Variants in CNTNAP2 observed in about 807,000 individuals in gnomAD.
CNTNAP2 encodes contactin associated protein 2.
CNTNAP2 carries 98 observed loss-of-function variants against 155.2 expected under a neutral mutation model. The observed-to-expected ratio is 0.63, with a 90% CI of 0.54 to 0.75. CNTNAP2 has a LOEUF of 0.75. CNTNAP2 is among the 30% of genes least tolerant of loss of function. The pLI is 0.00. For synonymous variants in CNTNAP2, 651 were observed against 631.2 expected, an observed-to-expected ratio of 1.03 and a Z score of -0.47; for missense variants, 1,727 against 1,688.1, an observed-to-expected ratio of 1.02 and a Z score of -0.40.
At chr7:148,210,548 T>C (rs1006914430) in intron 18 of CNTNAP2, among the ~76,000 whole-genome samples, 7 of 152,234 alleles carry the variant, frequency 4.6e-5, no homozygotes, top group Non-Finnish European at 7.3e-5. Context: ...GTGTTTACAG[T>C]AATATACTTC....
intron 8 of CNTNAP2, among the ~76,000 whole-genome samples, chr7:147,293,928 CTGTAATA>C (rs1412560355): frequency 6.6e-6 from 1 of 152,142 alleles, no homozygotes; most frequent in Non-Finnish European, 1.5e-5. Context: ...TGAGAAGGTG[CTGTAATA>C]TGGTTTCAAA....
chr7:146,865,623 T>C (rs191771370), intron 3 of CNTNAP2, among the ~76,000 whole-genome samples: 1 of 152,216 alleles, frequency 6.6e-6, no homozygotes, highest in East Asian at 1.9e-4. Flanking sequence ...CTGCTTCACA[T>C]TCTACACAAA....
rs1045119027 is a variant in CNTNAP2 at position 147,177,331 on chromosome 7, A to G, written c.1348+44822A>G. The stretch of plus-strand genomic sequence containing the variant: ...GTTTCCCCCATGCTGGTTTCCTGAT[A>G]GTAAGTTCTCACGAGAGCTGATGGT... On this transcript the variant is annotated intron_variant, in intron 8 of 23. Coordinates refer to ENST00000361727, the MANE Select transcript of CNTNAP2 (RefSeq NM_014141.6). 2.6e-5 allele frequency among the ~76,000 whole-genome samples: 4 copies of G among 152,054 alleles called. No individual in the cohort carries two copies. In the East Asian group the frequency reaches 7.7e-4, roughly 29 times the overall value.
chr7:147,793,466 G>A (rs897782462), intron 13 of CNTNAP2, among the ~76,000 whole-genome samples: 3 of 151,932 alleles, frequency 2.0e-5, no homozygotes, highest in African/African-American at 7.2e-5. Context: ...GAATTGTTTG[G>A]CACTCTGGCT....
chr7:147,102,464 G>T (rs532318751), intron 4 of CNTNAP2, among the ~76,000 whole-genome samples: 1 of 152,046 alleles, frequency 6.6e-6, no homozygotes, highest in African/African-American at 2.4e-5. Flanking sequence ...GAATCTAAAT[G>T]GTATGCAGAA....
intron 9 of CNTNAP2, among the ~76,000 whole-genome samples, chr7:147,340,812 A>G (rs756723979): frequency 3.9e-5 from 6 of 152,084 alleles, no homozygotes; most frequent in Non-Finnish European, 8.8e-5. Context: ...GCTATGATAC[A>G]GTATACAATC....
chr7:146,464,518 G>A (rs1796688101), intron 1 of CNTNAP2, among the ~76,000 whole-genome samples: 1 of 152,086 alleles, frequency 6.6e-6, no homozygotes, highest in Non-Finnish European at 1.5e-5. Flanking sequence ...CCCATTAGAG[G>A]TGTAGATGGG....
chr7:146,206,788 T>C (rs541776373), intron 1 of CNTNAP2, among the ~76,000 whole-genome samples: 7 of 152,138 alleles, frequency 4.6e-5, no homozygotes, highest in Admixed American at 1.3e-4. Flanking sequence ...CACTTTCAGA[T>C]AAAAATTAAT....
At chr7:148,102,255 G>C (rs776504248) in intron 15 of CNTNAP2, among the ~76,000 whole-genome samples, 5 of 152,178 alleles carry the variant, frequency 3.3e-5, no homozygotes, top group Non-Finnish European at 7.3e-5. Flanking sequence ...TCAGTTTGCT[G>C]GGGATGATGG....
intron 22 of CNTNAP2, among the ~76,000 whole-genome samples, chr7:148,406,714 C>T (rs371468947): frequency 4.3e-4 from 65 of 152,308 alleles, no homozygotes; most frequent in South Asian, 3.7e-3. Flanking sequence ...TGGGCAGTAA[C>T]GGTGCAAGTT....
At chr7:146,733,607 C>T (rs2129179862) in intron 1 of CNTNAP2, among the ~76,000 whole-genome samples, 1 of 152,098 alleles carries the variant, frequency 6.6e-6, no homozygotes, top group African/African-American at 2.4e-5. Context: ...CTACCCTTTC[C>T]TATAGCGAAT....
chr7:147,268,900 G>A (rs1157408129), intron 8 of CNTNAP2, among the ~76,000 whole-genome samples: 1 of 152,182 alleles, frequency 6.6e-6, no homozygotes, highest in Admixed American at 6.5e-5. Context: ...CAAATTGGAG[G>A]TAGGGGACCT....
chr7:146,395,180 A>G (rs1448162604), intron 1 of CNTNAP2, among the ~76,000 whole-genome samples: 1 of 152,134 alleles, frequency 6.6e-6, no homozygotes, highest in African/African-American at 2.4e-5. Flanking sequence ...TATCTTTGCC[A>G]TTGTGAATAG....
intron 14 of CNTNAP2, among the ~76,000 whole-genome samples, chr7:147,956,239 A>G (rs1801014635): frequency 6.6e-6 from 1 of 152,152 alleles, no homozygotes; most frequent in Non-Finnish European, 1.5e-5. Flanking sequence ...ATATTTTTCA[A>G]TAATGTTTTC....
At chr7:148,266,301 T>A (rs796162025) in intron 20 of CNTNAP2, among the ~76,000 whole-genome samples, 5 of 152,126 alleles carry the variant, frequency 3.3e-5, no homozygotes, top group African/African-American at 1.2e-4. Context: ...GAGAAACACA[T>A]CTAGACTGTA....
In CNTNAP2 at chr7:147,750,971, C is replaced by T. The variant is rs1208973604; in HGVS notation, c.2098+111665C>T. On this transcript the variant is annotated intron_variant, in intron 13 of 23. Coordinates refer to ENST00000361727, the MANE Select transcript of CNTNAP2 (RefSeq NM_014141.6). ...AGCAGAATGGCGTGAACCCGAGAGG[C>T]GGAGCTTGCAGTGAGCCGAGATCGC... Among the ~76,000 whole-genome samples, 6 of 152,162 alleles carry T rather than the reference C, an allele frequency of 3.9e-5. No homozygotes were observed. The East Asian group carries it at 5.8e-4, about 15-fold the overall frequency.
intron 4 of CNTNAP2, among the ~76,000 whole-genome samples, chr7:147,087,836 G>A (rs1800312460): frequency 2.0e-5 from 3 of 152,204 alleles, no homozygotes; most frequent in Admixed American, 2.0e-4. Context: ...AATTAGCTGG[G>A]CATGGTGGCG....
At position 147,308,004 on chromosome 7, in the gene CNTNAP2, T is replaced by C. The variant is rs993534418; in HGVS notation, c.1498+7714T>C. Reference sequence around the variant, plus strand: ...AATAACATTGGTTAAATGAGTGTATTTGGGGGAAAATTAATCAGGGAGGGG... The same window carrying C: ...AATAACATTGGTTAAATGAGTGTATCTGGGGGAAAATTAATCAGGGAGGGG... On this transcript the variant is annotated intron_variant, in intron 9 of 23. Coordinates refer to ENST00000361727, the MANE Select transcript of CNTNAP2 (RefSeq NM_014141.6). Among the ~76,000 whole-genome samples the C allele has an allele frequency of 2.6e-5, 4 of 152,250 alleles. No individual in the cohort carries two copies. The East Asian group carries it at 5.8e-4, about 22-fold the overall frequency.
At chr7:147,311,797 C>T (rs117628901) in intron 9 of CNTNAP2, among the ~76,000 whole-genome samples, 3,858 of 152,144 alleles carry the variant, frequency 0.025, 59 homozygotes, top group Non-Finnish European at 0.037. Context: ...ATTTAGCATA[C>T]TTACTTTTTT....
Sources: gnomAD v4.1 joint callset for allele counts (sites outside exome capture counted in the v4.1 genomes callset) on GRCh38, gnomAD v4.1.1 for gene constraint, MANE v1.5 for transcripts, NCBI Gene and HGNC (gene_info 2026-07-23, HGNC 2026-07-21) for gene names.